The following SLC24A3 variants were observed in gnomAD, a reference collection of about 807,000 sequenced individuals.
SLC24A3 encodes sodium/potassium/calcium exchanger 3.
A neutral mutation model predicts 75.8 loss-of-function variants in SLC24A3; 28 were observed. The observed-to-expected ratio is 0.37, with a 90% CI of 0.27 to 0.51. SLC24A3 has a LOEUF of 0.51. Ranked by LOEUF, SLC24A3 falls within the 20% of genes least tolerant of loss-of-function variation. The pLI is 0.94. For synonymous variants in SLC24A3, 372 were observed against 334.1 expected (o/e 1.11, Z -1.24); for missense variants, 663 against 847.8 (o/e 0.78, Z 2.71).
chr20:19,680,138 GTC>G (rs1426776766), intron 9 of SLC24A3, among the ~76,000 whole-genome samples: 5 of 149,448 alleles, frequency 3.3e-5, no homozygotes, highest in South Asian at 4.2e-4. Flanking sequence ...GTCTGTGTGT[GTC>G]TCTGTGTGTG....
chr20:19,292,577 T>C (rs1227286164), intron 2 of SLC24A3, among the ~76,000 whole-genome samples: 1 of 152,262 alleles, frequency 6.6e-6, no homozygotes, highest in South Asian at 2.1e-4. Context: ...GGTAAATTTA[T>C]AGAAAAATCA....
chr20:19,553,825 C>T (rs1035458718), intron 3 of SLC24A3, among the ~76,000 whole-genome samples: 10 of 151,844 alleles, frequency 6.6e-5, no homozygotes, highest in Admixed American at 6.6e-4. Context: ...TATTTGAGTG[C>T]AAAAAAAGAC....
At chr20:19,440,299 C>G (rs1395362147) in intron 2 of SLC24A3, among the ~76,000 whole-genome samples, 1 of 152,216 alleles carries the variant, frequency 6.6e-6, no homozygotes, top group African/African-American at 2.4e-5. Flanking sequence ...AAGTTAGGCG[C>G]TCTGTGGTGT....
At chr20:19,346,093 A>ATATATGGTGTGTGTGTGTGTG (rs1600440242) in intron 2 of SLC24A3, among the ~76,000 whole-genome samples, 1 of 72,160 alleles carries the variant, frequency 1.4e-5, no homozygotes, top group African/African-American at 1.2e-4. Context: ...ATATATATAT[A>ATATATGGTGTGTGTGTGTGTG]TATATATATA....
intron 2 of SLC24A3, among the ~76,000 whole-genome samples, chr20:19,360,489 A>C (rs1012606886): frequency 6.6e-6 from 1 of 152,226 alleles, no homozygotes; most frequent in African/African-American, 2.4e-5. Flanking sequence ...ACATTTCAAC[A>C]TGGGGATGCC....
At chr20:19,302,412 A>T (rs1423633790) in intron 2 of SLC24A3, among the ~76,000 whole-genome samples, 2 of 152,256 alleles carry the variant, frequency 1.3e-5, no homozygotes, top group African/African-American at 4.8e-5. Context: ...AACAACAAAA[A>T]TTAATACAGA....
intron 3 of SLC24A3, among the ~76,000 whole-genome samples, chr20:19,559,715 G>A (rs2030843941): frequency 6.6e-6 from 1 of 152,020 alleles, no homozygotes; most frequent in Admixed American, 6.6e-5. Flanking sequence ...TAAGTGCCCT[G>A]AGAATCATTA....
At chr20:19,648,183 G>A (rs57643404) in intron 6 of SLC24A3, among the ~76,000 whole-genome samples, 10,677 of 152,214 alleles carry the variant, frequency 0.07, 443 homozygotes, top group Admixed American at 0.12. Context: ...CCCACATCAG[G>A]CCTGTCTGAA....
At chr20:19,313,911 T>A (rs1042545024) in intron 2 of SLC24A3, among the ~76,000 whole-genome samples, 1 of 152,186 alleles carries the variant, frequency 6.6e-6, no homozygotes, top group African/African-American at 2.4e-5. Flanking sequence ...CATGAGGAGA[T>A]GATACATCTT....
At chr20:19,635,099 A>G (rs2031983591) in intron 6 of SLC24A3, among the ~76,000 whole-genome samples, 1 of 152,210 alleles carries the variant, frequency 6.6e-6, no homozygotes. Flanking sequence ...TTCTGTGAAG[A>G]ATCTCACTGC....
chr20:19,450,408 T>G (rs1987459932), intron 2 of SLC24A3, among the ~76,000 whole-genome samples: 1 of 151,956 alleles, frequency 6.6e-6, no homozygotes, highest in Non-Finnish European at 1.5e-5. Context: ...TGAGACACTG[T>G]GATATTTACT....
rs1244348939 is a variant in SLC24A3, at chr20:19,631,793, T to A, written c.613-22269T>A. ...CTGTATCTGTGTGTATGAGTGAGAG[T>A]GTGTGTGTGTGTGTGTGTGTGTGTG... is the stretch of plus-strand genomic sequence containing the variant. On this transcript the variant is annotated intron_variant, in intron 6 of 16. Coordinates refer to ENST00000328041, the MANE Select transcript of SLC24A3 (RefSeq NM_020689.4). Among the ~76,000 whole-genome samples, 14 of 123,086 alleles carry A rather than the reference T, an allele frequency of 1.1e-4. No individual in the cohort carries two copies. The East Asian group carries it at 2.0e-3, about 18-fold the overall frequency. The allele number at this position is 123,086 out of a possible 152,430, so 80.7% of individuals were successfully genotyped here. A position where few individuals can be genotyped will look rare whatever the true frequency, so the allele number is the denominator to read the frequency against.
intron 2 of SLC24A3, among the ~76,000 whole-genome samples, chr20:19,494,673 T>C (rs1988256774): frequency 6.6e-6 from 1 of 152,130 alleles, no homozygotes; most frequent in Admixed American, 6.5e-5. Context: ...ACTAGGGTCT[T>C]CCTGAGCCTG....
At chr20:19,489,248 A>G (rs1283783103) in intron 2 of SLC24A3, among the ~76,000 whole-genome samples, 1 of 152,202 alleles carries the variant, frequency 6.6e-6, no homozygotes, top group Admixed American at 6.5e-5. Flanking sequence ...ATCCCCTTGT[A>G]GGTATGATTG....
Position 19,693,270 on chromosome 20 carries a change from G to A in SLC24A3, c.1336G>A (p.Glu446Lys). The change falls in exon 13 of 17, where the codon GAA becomes AAA. Residue 446 changes from glutamate (E) to lysine (K), a missense_variant. Physicochemically the swap from Glu to Lys is moderately conservative, Grantham distance 56 (BLOSUM62 1). Transcript: ENST00000328041. ...TPFDTPSGKL[E>K]TVKWAFTWPL... Reference sequence around the variant, plus strand: ...TTTCATTTTTCCAGCGGGTAAACTGGAAACAGTGAAATGGGCGTTCACCTG... The same window carrying A: ...TTTCATTTTTCCAGCGGGTAAACTGAAAACAGTGAAATGGGCGTTCACCTG... The A allele has an allele frequency of 6.2e-7, 1 of 1,610,790 alleles. No homozygotes were observed. The highest frequency in any genetic ancestry group is 1.1e-5 in the South Asian group (1 of 90,452).
intron 9 of SLC24A3, among the ~76,000 whole-genome samples, chr20:19,677,193 T>G (rs1488773199): frequency 1.3e-5 from 2 of 151,458 alleles, no homozygotes; most frequent in African/African-American, 2.4e-5. Flanking sequence ...GGCACTGTAG[T>G]GCATGCCTGT....
chr20:19,713,135 T>A (rs925105922), intron 15 of SLC24A3, among the ~76,000 whole-genome samples: 1 of 152,222 alleles, frequency 6.6e-6, no homozygotes, highest in Non-Finnish European at 1.5e-5. Context: ...ACCCATGAAT[T>A]GTGAATGAAC....
In SLC24A3 at chr20:19,466,595, T is replaced by A. The variant is rs552308577; in HGVS notation, c.272-48893T>A. Among the ~76,000 whole-genome samples, 28 of 152,318 alleles carry A rather than the reference T, an allele frequency of 1.8e-4. No homozygotes were observed. The South Asian group carries it at 5.8e-3, about 32-fold the overall frequency. On this transcript the variant is annotated intron_variant, in intron 2 of 16. Coordinates refer to ENST00000328041, the MANE Select transcript of SLC24A3 (RefSeq NM_020689.4). ...GGAACAAATGTCAAAGCGTCCACCA[T>A]GATGGAAGTGTCCGATTTCCATGGC...
chr20:19,636,678 T>C (rs2032006613), intron 6 of SLC24A3, among the ~76,000 whole-genome samples: 1 of 152,176 alleles, frequency 6.6e-6, no homozygotes, highest in Non-Finnish European at 1.5e-5. Context: ...TTTGGAGGAA[T>C]TTGGGCAAAT....
Sources: allele counts gnomAD v4.1 joint callset (sites outside exome capture counted in the v4.1 genomes callset), GRCh38; gene constraint gnomAD v4.1.1; transcripts MANE v1.5; gene names NCBI Gene and HGNC (gene_info 2026-07-23, HGNC 2026-07-21).